The following BRI3BP variants were observed in gnomAD, a reference collection of about 807,000 sequenced individuals.
BRI3BP encodes the protein BRI3-binding protein.
Under a neutral mutation model 15.8 loss-of-function variants are expected in BRI3BP, and 7 were observed. The ratio of observed to expected loss-of-function variants is 0.44; its 90% confidence interval spans 0.25 to 0.83. The LOEUF is 0.83. Ranked by LOEUF, BRI3BP falls within the 40% of genes least tolerant of loss-of-function variation. The probability of loss-of-function intolerance (pLI) is 0.20; values close to 1 mark genes in which losing one functional copy is unlikely to be tolerated. For missense variants in BRI3BP, 320 were observed against 339.3 expected, an observed-to-expected ratio of 0.94 and a Z score of 0.45; for synonymous variants, 192 against 163.5, an observed-to-expected ratio of 1.17 and a Z score of -1.33.
chr12:125,003,539 T>C (rs2135988991), intron 1 of BRI3BP, among the ~76,000 whole-genome samples: 1 of 152,320 alleles, frequency 6.6e-6, no homozygotes, highest in Non-Finnish European at 1.5e-5. Context: ...GGTTACTTCT[T>C]TCCTTCCTAA....
intron 1 of BRI3BP, among the ~76,000 whole-genome samples, chr12:125,006,843 G>T (rs937319462): frequency 6.6e-6 from 1 of 152,126 alleles, no homozygotes; most frequent in African/African-American, 2.4e-5. Flanking sequence ...CATTTTAAAG[G>T]CCTGCTACTC....
intron 2 of BRI3BP, among the ~76,000 whole-genome samples, chr12:125,016,493 T>G: frequency 6.9e-6 from 1 of 145,012 alleles, no homozygotes; most frequent in Non-Finnish European, 1.5e-5. Flanking sequence ...ATGGTGAAAT[T>G]AGTTTTTCTT....
chr12:124,993,853 GCT>G lies in BRI3BP; in HGVS notation c.64_65del (p.Leu22AlafsTer56). The G allele has an allele frequency of 8.3e-7, 1 of 1,210,022 alleles. No homozygotes were observed. The highest frequency in any genetic ancestry group is 1.0e-6 in the Non-Finnish European group (1 of 969,472). The allele number at this position is 1,210,022 out of a possible 1,614,324, so 75.0% of individuals were successfully genotyped here. ...RAGLLLLLLLLLLLGLLAPGA... is the reference protein window; with the variant it reads ...RAGLLLLLLLXLLLGLLAPGA... ...CCGGGCTCCTGCTGCTGCTGCTGCT[GCT>G]GCTGCTGCTCGGGCTGCTGGCCCCG... On this transcript the variant is annotated frameshift_variant, in exon 1 of 3. Transcript: ENST00000341446. LOFTEE classifies it high-confidence loss of function.
chr12:125,006,638 C>T (rs4765205), intron 1 of BRI3BP, among the ~76,000 whole-genome samples: 5,994 of 152,294 alleles, frequency 0.039, 251 homozygotes, highest in Admixed American at 0.13. Context: ...TCAGCTGCTC[C>T]GACACGCTGG....
chr12:125,047,757 C>T, the BRI3BP span, among the ~76,000 whole-genome samples: 5 of 152,126 alleles, frequency 3.3e-5, no homozygotes, highest in South Asian at 4.2e-4. Context: ...GGTGCAGTGG[C>T]GCAATCTGGG....
intron 2 of BRI3BP, among the ~76,000 whole-genome samples, chr12:125,024,743 G>A (rs774170204): frequency 2.0e-5 from 3 of 150,388 alleles, no homozygotes; most frequent in Non-Finnish European, 3.0e-5. Flanking sequence ...AGGTTGTGGT[G>A]AGCCGAGATC....
rs10572574 is a variant in BRI3BP at position 125,029,360 on chromosome 12, C to CAAAAAAAAAAAA, written c.*3942_*3953dup. ...GAAATCCCGTCTCTACCAAAAAATACAAAAAAAAAAAAAAAAAAAAAAATA... is the reference window on the plus strand; with the variant it reads ...GAAATCCCGTCTCTACCAAAAAATACAAAAAAAAAAAAAAAAAAAAAAAAAAAAAAAAAAATA... On this transcript the variant is annotated 3_prime_UTR_variant, in exon 3 of 3. Coordinates refer to ENST00000341446, the MANE Select transcript of BRI3BP (RefSeq NM_080626.6). 11 of 78,692 alleles carry CAAAAAAAAAAAA rather than the reference C, an allele frequency of 1.4e-4. No individual in the cohort carries two copies. Among genetic ancestry groups the CAAAAAAAAAAAA allele is most frequent in the Non-Finnish European group, 2.4e-4 (10 of 42,126 alleles). The allele number at this position is 78,692 out of a possible 1,614,324, so 4.9% of individuals were successfully genotyped here. A position where few individuals can be genotyped will look rare whatever the true frequency, so the allele number is the denominator to read the frequency against.
the BRI3BP span, among the ~76,000 whole-genome samples, chr12:125,041,546 A>G: frequency 6.6e-6 from 1 of 152,136 alleles, no homozygotes; most frequent in Admixed American, 6.5e-5. Context: ...AATTCACCAC[A>G]TAGTACACAA....
rs762478697 is a variant in BRI3BP, at chr12:125,025,403, G to A, written c.729G>A (p.Glu243=). 6 of 1,606,654 alleles carry A rather than the reference G, an allele frequency of 3.7e-6. No individual in the cohort carries two copies. Among genetic ancestry groups the A allele is most frequent in the Non-Finnish European group, 5.1e-6 (6 of 1,175,790 alleles). Residue 243 remains glutamate, a synonymous_variant, in exon 3 of 3, where the codon GAG becomes GAA. Coordinates refer to ENST00000341446, the MANE Select transcript of BRI3BP (RefSeq NM_080626.6). ...ACATCCGTCTCAACCGGGTGCTCGAGAGCCTGGACCGCTCCAAGGACAAGT... is the reference window on the plus strand; with the variant it reads ...ACATCCGTCTCAACCGGGTGCTCGAAAGCCTGGACCGCTCCAAGGACAAGT... ...LLNIRLNRVL[E]SLDRSKDK is the part of the protein sequence containing the mutation.
the BRI3BP span, among the ~76,000 whole-genome samples, chr12:125,050,396 A>T: frequency 6.6e-6 from 1 of 152,078 alleles, no homozygotes; most frequent in Admixed American, 6.5e-5. Context: ...TTAAAAATTA[A>T]AAAGGAACGC....
At chr12:125,045,494 C>G in the BRI3BP span, among the ~76,000 whole-genome samples, 1 of 152,208 alleles carries the variant, frequency 6.6e-6, no homozygotes, top group South Asian at 2.1e-4. Flanking sequence ...TCATCACGCC[C>G]GGCTAATTTT....
intron 1 of BRI3BP, among the ~76,000 whole-genome samples, chr12:125,006,595 A>G (rs943928886): frequency 6.6e-6 from 1 of 152,132 alleles, no homozygotes; most frequent in Non-Finnish European, 1.5e-5. Context: ...CCAGGTTGCC[A>G]CCCTGCAACC....
rs1955132287 is a variant in BRI3BP, at chr12:125,005,339, T to G, written c.214-7195T>G. On this transcript the variant is annotated intron_variant, in intron 1 of 2. Transcript: ENST00000341446. Reference sequence around the variant, plus strand: ...TAATGCCCCCACCTCATGCTTTTTCTTGGATGCCATCTTATTCTGTGGAGA... The same window carrying G: ...TAATGCCCCCACCTCATGCTTTTTCGTGGATGCCATCTTATTCTGTGGAGA... Among the ~76,000 whole-genome samples, 4 of 152,348 alleles carry G rather than the reference T, an allele frequency of 2.6e-5. No homozygotes were observed. The South Asian group carries it at 8.3e-4, about 32-fold the overall frequency.
In BRI3BP at chr12:125,020,485, G is replaced by A. The variant is rs114771762; in HGVS notation, c.317-4506G>A. ...CACCTCCTAAGACCATCACTTTTGG[G>A]GTTAGGATTTCAACATAGGAATTTT... On this transcript the variant is annotated intron_variant, in intron 2 of 2. Coordinates refer to ENST00000341446, the MANE Select transcript of BRI3BP (RefSeq NM_080626.6). 7.8e-3 allele frequency among the ~76,000 whole-genome samples: 1,188 copies of A among 152,312 alleles called. 18 individuals carry two copies. Among genetic ancestry groups the A allele is most frequent in the African/African-American group, 0.027 (1,106 of 41,570 alleles).
intron 1 of BRI3BP, among the ~76,000 whole-genome samples, chr12:124,999,792 G>T (rs12820306): frequency 0.068 from 7,574 of 111,442 alleles, 334 homozygotes; most frequent in Admixed American, 0.14. Context: ...TAATTTTTTT[G>T]TGTGTTTTTA....
At chr12:125,033,286 G>A (rs1287443739), downstream of BRI3BP, among the ~76,000 whole-genome samples, 1 of 152,188 alleles carries the variant, frequency 6.6e-6, no homozygotes, top group East Asian at 1.9e-4. Flanking sequence ...CAGCACTTTG[G>A]GAGGCTGAGG....
chr12:125,013,695 C>T (rs1273630621), intron 2 of BRI3BP, among the ~76,000 whole-genome samples: 1 of 152,220 alleles, frequency 6.6e-6, no homozygotes, highest in Non-Finnish European at 1.5e-5. Context: ...ACCATACCCA[C>T]CGCACAGGGC....
rs958527567 is a variant in BRI3BP, at chr12:125,008,603, G to A, written c.214-3931G>A. Among the ~76,000 whole-genome samples, 4 of 152,138 alleles carry A rather than the reference G, an allele frequency of 2.6e-5. No individual in the cohort carries two copies. In the East Asian group the frequency reaches 5.8e-4, roughly 22 times the overall value. ...TGGGATTACAGGCATGAGCCACCACGCCTGGCCACCCTCCTCTTCTTTCTA... is the reference window on the plus strand; with the variant it reads ...TGGGATTACAGGCATGAGCCACCACACCTGGCCACCCTCCTCTTCTTTCTA... On this transcript the variant is annotated intron_variant, in intron 1 of 2. Coordinates refer to ENST00000341446, the MANE Select transcript of BRI3BP (RefSeq NM_080626.6).
intron 2 of BRI3BP, among the ~76,000 whole-genome samples, chr12:125,014,619 T>G (rs1335286652): frequency 6.6e-6 from 1 of 152,138 alleles, no homozygotes; most frequent in Non-Finnish European, 1.5e-5. Context: ...GGGCTGGTCA[T>G]GTAGTCACCC....
Sources: allele counts gnomAD v4.1 joint callset (sites outside exome capture counted in the v4.1 genomes callset), GRCh38; gene constraint gnomAD v4.1.1; transcripts MANE v1.5; gene names NCBI Gene and HGNC (gene_info 2026-07-23, HGNC 2026-07-21).